The following EXOC1 variants were observed in gnomAD, a reference collection of about 807,000 sequenced individuals.
EXOC1 encodes SEC3-like 1.
Under a neutral mutation model 107.7 loss-of-function variants are expected in EXOC1, and 67 were observed. The ratio of observed to expected loss-of-function variants is 0.62; its 90% CI spans 0.51 to 0.76. EXOC1 has a LOEUF of 0.76. Among genes scored for constraint, EXOC1 ranks in the 30% least tolerant of loss-of-function variants. The pLI is 0.00. For synonymous variants in EXOC1, 348 were observed against 353.5 expected, an observed-to-expected ratio of 0.98 and a Z score of 0.17; for missense variants, 833 against 1,055.7, an observed-to-expected ratio of 0.79 and a Z score of 2.92.
intron 4 of EXOC1, among the ~76,000 whole-genome samples, chr4:55,867,247 A>G (rs1722037398): frequency 6.6e-6 from 1 of 152,196 alleles, no homozygotes; most frequent in African/African-American, 2.4e-5. Context: ...GGACAAGGAG[A>G]TCGGTAATAT....
intron 8 of EXOC1, chr4:55,875,692 A>G (rs962446194): frequency 2.0e-6 from 2 of 985,178 alleles, no homozygotes; most frequent in Non-Finnish European, 2.4e-6. Flanking sequence ...ATTGTTACTA[A>G]TAAAAACTAT....
At chr4:55,895,991 GT>G (rs1725158763) in intron 15 of EXOC1, among the ~76,000 whole-genome samples, 3 of 152,116 alleles carry the variant, frequency 2.0e-5, no homozygotes, top group Non-Finnish European at 4.4e-5. Context: ...CCAACCAGAA[GT>G]TACCCGGAGG....
chr4:55,872,021 AT>A, intron 8 of EXOC1, 63 bp downstream of exon 8: 1 of 1,389,380 alleles, frequency 7.2e-7, no homozygotes, highest in Middle Eastern at 1.9e-4. Context: ...TTAACCTTAC[AT>A]TTCCACAAAA....
intron 8 of EXOC1, chr4:55,877,052 A>G (rs1039452380): frequency 1.9e-5 from 19 of 981,766 alleles, no homozygotes; most frequent in African/African-American, 7.0e-5. Flanking sequence ...TTTAAAATTC[A>G]TAACCACTAG....
chr4:55,860,491 G>T lies in EXOC1; in HGVS notation c.205G>T (p.Ala69Ser). The change falls in exon 3 of 19, where the codon GCA becomes TCA. Residue 69 changes from alanine to serine, a missense_variant. By Grantham distance (99) the Ala-to-Ser change is moderately conservative (BLOSUM62 1). Coordinates refer to ENST00000381295, the MANE Select transcript of EXOC1 (RefSeq NM_001024924.2). ...DKGDFYKRQI[A>S]WALRDLAVVD... ...GGGAGATTTCTACAAAAGGCAGATT[G>T]CATGGGCCCTTCGAGATCTTGCTGT... is the stretch of plus-strand genomic sequence containing the variant. 1 of 1,614,102 alleles carries T rather than the reference G, an allele frequency of 6.2e-7. No homozygotes were observed. The highest frequency in any genetic ancestry group is 8.5e-7 in the Non-Finnish European group (1 of 1,179,950).
chr4:55,894,300 G>A (rs978264668), intron 15 of EXOC1, among the ~76,000 whole-genome samples: 1 of 150,466 alleles, frequency 6.6e-6, no homozygotes, highest in African/African-American at 2.4e-5. Context: ...TCTCCAGCCT[G>A]GGTGACAAGA....
rs553926545 is a variant in EXOC1 at position 55,875,448 on chromosome 4, A to G, written c.1075-2469A>G. On this transcript the variant is annotated intron_variant, in intron 8 of 18. Transcript: ENST00000381295. ...GAAAATTTATTCAAATTTTGACCCC[A>G]ATGTATCATTTCTTTAAAAAAGTCA... is the stretch of plus-strand genomic sequence containing the variant. 5.7e-5 allele frequency: 56 copies of G among 982,910 alleles called. No homozygotes were observed. The African/African-American group carries it at 9.8e-4, about 17-fold the overall frequency. 60.9% of individuals were successfully genotyped at this position (982,910 alleles called of 1,614,324 possible).
intron 1 of EXOC1, among the ~76,000 whole-genome samples, chr4:55,854,378 G>A (rs1230360198): frequency 6.6e-6 from 1 of 152,114 alleles, no homozygotes; most frequent in African/African-American, 2.4e-5. Context: ...GAAACAACCA[G>A]TACAGAGTAA....
rs568144007 is a variant in EXOC1, at chr4:55,895,058, C to CAT, written c.1953+1290_1953+1291dup. Among the ~76,000 whole-genome samples the CAT allele has an allele frequency of 1.6e-3, 248 of 151,286 alleles. 1 individual carries two copies. Among genetic ancestry groups the CAT allele is most frequent in the Non-Finnish European group, 2.8e-3 (188 of 67,716 alleles). Reference sequence around the variant, plus strand: ...TAAATTCATATTTTCTCATAAGTTGCATATATATATATAAAGGACATAGGT... The same window carrying CAT: ...TAAATTCATATTTTCTCATAAGTTGCATATATATATATATAAAGGACATAGGT... On this transcript the variant is annotated intron_variant, in intron 15 of 18. Coordinates refer to ENST00000381295, the MANE Select transcript of EXOC1 (RefSeq NM_001024924.2).
chr4:55,873,680 G>T (rs933194539), intron 8 of EXOC1, among the ~76,000 whole-genome samples: 1 of 152,102 alleles, frequency 6.6e-6, no homozygotes, highest in Non-Finnish European at 1.5e-5. Context: ...AAATCAGAAC[G>T]CTGCGACAAC....
intron 2 of EXOC1, among the ~76,000 whole-genome samples, chr4:55,859,723 T>C (rs940208642): frequency 7.2e-5 from 11 of 152,248 alleles, no homozygotes; most frequent in Admixed American, 7.2e-4. Context: ...CTTCTATTCC[T>C]GGTTTCTTAC....
At chr4:55,861,246 G>A (rs1342360767) in intron 3 of EXOC1, among the ~76,000 whole-genome samples, 1 of 152,072 alleles carries the variant, frequency 6.6e-6, no homozygotes, top group South Asian at 2.1e-4. Context: ...TTTCTCTGCA[G>A]CCCTAACACA....
chr4:55,860,922 C>G (rs1443380403), intron 3 of EXOC1, among the ~76,000 whole-genome samples: 1 of 150,628 alleles, frequency 6.6e-6, no homozygotes, highest in Non-Finnish European at 1.5e-5. Context: ...GCCAGACTGG[C>G]CTTTTGAGGC....
At chr4:55,902,631 CAGG>C (rs1178434073) in intron 18 of EXOC1, 93 bp downstream of exon 18, 2 of 1,023,748 alleles carry the variant, frequency 2.0e-6, no homozygotes, top group East Asian at 3.1e-5. Context: ...AGATCTAGAG[CAGG>C]AGGAGAGTTC....
chr4:55,880,735 A>C (rs899411033), intron 9 of EXOC1, among the ~76,000 whole-genome samples: 2 of 152,196 alleles, frequency 1.3e-5, no homozygotes, highest in Non-Finnish European at 2.9e-5. Context: ...ACAAGATTAG[A>C]GCCAACCTAG....
chr4:55,865,601 A>G (rs1721886461), intron 4 of EXOC1, among the ~76,000 whole-genome samples: 2 of 152,288 alleles, frequency 1.3e-5, no homozygotes, highest in Middle Eastern at 6.8e-3. Flanking sequence ...TTCAGGGTTG[A>G]ACATTCTGAT....
At chr4:55,876,514 G>A (rs778849031) in intron 8 of EXOC1, 9 of 852,526 alleles carry the variant, frequency 1.1e-5, no homozygotes, top group Non-Finnish European at 1.3e-5. Context: ...CATCAAAATT[G>A]TTTTGGTGCC....
chr4:55,885,474 CA>C (rs1402217056), intron 10 of EXOC1: 1 of 152,024 alleles, frequency 6.6e-6, no homozygotes, highest in East Asian at 1.9e-4. Flanking sequence ...TAACATAATA[CA>C]GGTTAAAAGG....
chr4:55,888,893 C>T lies in EXOC1; in HGVS notation c.1336C>T (p.Leu446=), dbSNP rs1249033053. ...TGCAACCTAATCCATCACAGCTACA[C>T]TGCCTCGAAAAGAAAGTGCTGTCAA... ...TTKESKKFAT[L]PRKESAVKQE... The change falls in exon 11 of 19, where the codon CTG becomes TTG. Residue 446 remains leucine, a synonymous_variant. Transcript: ENST00000381295. 2 of 1,613,704 alleles carry T rather than the reference C, an allele frequency of 1.2e-6. No homozygotes were observed. The highest frequency in any genetic ancestry group is 2.2e-5 in the South Asian group (2 of 91,064).
Sources: allele counts gnomAD v4.1 joint callset (sites outside exome capture counted in the v4.1 genomes callset), GRCh38; gene constraint gnomAD v4.1.1; transcripts MANE v1.5; gene names NCBI Gene and HGNC (gene_info 2026-07-23, HGNC 2026-07-21).